Variants in GNB1 observed in about 807,000 individuals in gnomAD.
The protein encoded by GNB1 is guanine nucleotide-binding protein G(I)/G(S)/G(T) subunit beta-1.
In GNB1, 2 loss-of-function variants were observed where a neutral mutation model predicts 42.9. The observed-to-expected ratio is 0.05, with a 90% CI of 0.02 to 0.15. The LOEUF (loss-of-function observed/expected upper bound fraction) is 0.15, where lower values mean the gene tolerates loss of function less well. Among genes scored for constraint, GNB1 ranks in the 10% least tolerant of loss-of-function variants. GNB1 has a pLI of 1.00. For missense variants in GNB1, 193 were observed against 462.2 expected (o/e 0.42, Z 5.34); for synonymous variants, 183 against 174.7 (o/e 1.05, Z -0.38).
At chr1:1,840,949 T>C (rs1647224753) in intron 1 of GNB1, among the ~76,000 whole-genome samples, 1 of 152,214 alleles carries the variant, frequency 6.6e-6, no homozygotes, top group South Asian at 2.1e-4. Context: ...TGGAGTGCAG[T>C]GGTATCATCT....
intron 7 of GNB1, among the ~76,000 whole-genome samples, chr1:1,795,441 C>A (rs766342697): frequency 6.6e-6 from 1 of 152,122 alleles, no homozygotes; most frequent in African/African-American, 2.4e-5. Context: ...GGGGACCAGG[C>A]GGAGGCACTC....
At chr1:1,880,956 G>A (rs890652782) in intron 1 of GNB1, among the ~76,000 whole-genome samples, 3 of 152,108 alleles carry the variant, frequency 2.0e-5, no homozygotes, top group African/African-American at 4.8e-5. Context: ...AGAGATCAAT[G>A]AGATCAGAGC....
At chr1:1,830,318 T>C (rs1301229078) in intron 2 of GNB1, among the ~76,000 whole-genome samples, 16 of 151,680 alleles carry the variant, frequency 1.1e-4, no homozygotes, top group African/African-American at 3.6e-4. Flanking sequence ...TGGAGTGCAG[T>C]GGCGCGATCT....
chr1:1,817,484 T>C (rs1483829920), intron 4 of GNB1, among the ~76,000 whole-genome samples: 2 of 151,802 alleles, frequency 1.3e-5, no homozygotes, highest in African/African-American at 4.8e-5. Flanking sequence ...AATAATTCTA[T>C]GTTTAACTTT....
Position 1,787,709 on chromosome 1 carries a change from A to C in GNB1, c.917-272T>G, listed in dbSNP as rs571437104. 5.6e-4 allele frequency among the ~76,000 whole-genome samples: 85 copies of C among 152,286 alleles called. No homozygotes were observed. The highest frequency in any genetic ancestry group is 1.9e-3 in the African/African-American group (81 of 41,560). ...TCTCAGCACTCACTTATAAAACTTA[A>C]AAAAAGAAGCAAAGGCCACTATCAA... On this transcript the variant is annotated intron_variant, in intron 10 of 11. Transcript: ENST00000378609. This position sits in a 1 kb window ranked among gnomAD's most constrained non-coding sequence, Gnocchi z 4.4.
At chr1:1,815,227 G>C (rs927312494) in intron 5 of GNB1, among the ~76,000 whole-genome samples, 1 of 152,168 alleles carries the variant, frequency 6.6e-6, no homozygotes, top group Non-Finnish European at 1.5e-5. Flanking sequence ...TGAGAGAATG[G>C]TGAGAGCAGC....
At chr1:1,840,622 G>C (rs918169059) in intron 1 of GNB1, among the ~76,000 whole-genome samples, 1 of 152,246 alleles carries the variant, frequency 6.6e-6, no homozygotes, top group African/African-American at 2.4e-5. Context: ...TGTTTGGCAT[G>C]ACAGTGGAGA....
At chr1:1,808,313 T>C (rs1376587772) in intron 5 of GNB1, among the ~76,000 whole-genome samples, 3 of 152,142 alleles carry the variant, frequency 2.0e-5, no homozygotes, top group Non-Finnish European at 2.9e-5. Context: ...ACCATGAATT[T>C]TTTCATAACT....
At chr1:1,817,804 C>CAG (rs1646877047) in intron 4 of GNB1, 33 bp downstream of exon 4, 1 of 1,548,132 alleles carries the variant, frequency 6.5e-7, no homozygotes, top group Admixed American at 1.7e-5. Flanking sequence ...TCCTCACAGG[C>CAG]AGATGGCTCT....
At chr1:1,825,980 T>G (rs1221289526) in intron 2 of GNB1, among the ~76,000 whole-genome samples, 1 of 152,166 alleles carries the variant, frequency 6.6e-6, no homozygotes, top group Non-Finnish European at 1.5e-5. Flanking sequence ...AAATAAAATA[T>G]AATTATGATT....
chr1:1,804,031 C>T (rs1423939629), intron 7 of GNB1, among the ~76,000 whole-genome samples: 2 of 138,260 alleles, frequency 1.4e-5, no homozygotes, highest in Non-Finnish European at 3.1e-5. Context: ...TGGTGGCTCA[C>T]ACCTGTAATC....
intron 1 of GNB1, among the ~76,000 whole-genome samples, chr1:1,868,134 C>CA (rs1173614384): frequency 2.0e-5 from 3 of 152,152 alleles, no homozygotes; most frequent in Admixed American, 6.6e-5. Context: ...TTCACCTCTT[C>CA]AATAATGCAT....
intron 2 of GNB1, among the ~76,000 whole-genome samples, chr1:1,827,130 C>T (rs532621452): frequency 2.0e-5 from 3 of 152,296 alleles, no homozygotes; most frequent in South Asian, 4.1e-4. Context: ...GAGATTAAAA[C>T]CCATCTGTGG....
At chr1:1,855,378 T>G (rs1159858488) in intron 1 of GNB1, among the ~76,000 whole-genome samples, 2 of 149,108 alleles carry the variant, frequency 1.3e-5, no homozygotes, top group Non-Finnish European at 3.0e-5. Context: ...CCATCCAAGT[T>G]AACCAGCAAT....
chr1:1,872,337 C>T (rs1046405299), intron 1 of GNB1, among the ~76,000 whole-genome samples: 20 of 152,204 alleles, frequency 1.3e-4, no homozygotes, highest in African/African-American at 4.8e-4. Flanking sequence ...TCAACGGCTT[C>T]CCACTGCATC....
chr1:1,889,842 G>A (rs192046611), intron 1 of GNB1, among the ~76,000 whole-genome samples: 4 of 152,278 alleles, frequency 2.6e-5, no homozygotes, highest in Admixed American at 2.6e-4. Context: ...TCAGCCGACA[G>A]CCCTGTGGAA....
intron 4 of GNB1, among the ~76,000 whole-genome samples, chr1:1,817,363 T>C (rs1439148170): frequency 6.6e-6 from 1 of 152,206 alleles, no homozygotes; most frequent in East Asian, 1.9e-4. Flanking sequence ...ATTTTGGTTG[T>C]TTCTACATTT....
At chr1:1,869,455 G>A (rs920993883) in intron 1 of GNB1, among the ~76,000 whole-genome samples, 6 of 152,136 alleles carry the variant, frequency 3.9e-5, no homozygotes, top group African/African-American at 1.4e-4. Flanking sequence ...CAGGTGGGTG[G>A]GATGAAGTCA....
At chr1:1,849,482 C>T (rs1329432037) in intron 1 of GNB1, among the ~76,000 whole-genome samples, 1 of 152,180 alleles carries the variant, frequency 6.6e-6, no homozygotes, top group Non-Finnish European at 1.5e-5. Context: ...TCTTGGCTCA[C>T]TGCAGCCTCA....
Sources: allele counts gnomAD v4.1 joint callset (sites outside exome capture counted in the v4.1 genomes callset), GRCh38; gene constraint gnomAD v4.1.1; non-coding constraint Gnocchi (gnomAD v3.1); transcripts MANE v1.5; gene names NCBI Gene and HGNC (gene_info 2026-07-23, HGNC 2026-07-21).